The following BTBD9 variants were observed in gnomAD, a reference collection of about 807,000 sequenced individuals.
BTBD9 encodes the protein BTB/POZ domain-containing protein 9.
In BTBD9, 49 loss-of-function variants were observed where a neutral mutation model predicts 64.3. The ratio of observed to expected loss-of-function variants is 0.76; its 90% CI spans 0.61 to 0.97. The LOEUF (loss-of-function observed/expected upper bound fraction) is 0.97. Ranked by LOEUF, BTBD9 falls within the 50% of genes least tolerant of loss-of-function variation. The pLI, the probability that BTBD9 is intolerant of heterozygous loss-of-function variation, is 0.00. For synonymous variants in BTBD9, 260 were observed against 274.7 expected, an observed-to-expected ratio of 0.95 and a Z score of 0.53; for missense variants, 598 against 762.1, an observed-to-expected ratio of 0.78 and a Z score of 2.53.
At chr6:38,277,546 CTGGTCTTGAA>C (rs1761326362) in intron 8 of BTBD9, among the ~76,000 whole-genome samples, 1 of 152,100 alleles carries the variant, frequency 6.6e-6, no homozygotes, top group Non-Finnish European at 1.5e-5. Flanking sequence ...GTTGGCCAGG[CTGGTCTTGAA>C]CTCCTTACCT....
At chr6:38,291,803 T>G (rs1761971946) in intron 7 of BTBD9, among the ~76,000 whole-genome samples, 1 of 152,162 alleles carries the variant, frequency 6.6e-6, no homozygotes, top group African/African-American at 2.4e-5. Flanking sequence ...GTTTATTGAT[T>G]TGCGTATGTT....
At chr6:38,256,694 CTTT>C (rs1561934614) in intron 8 of BTBD9, among the ~76,000 whole-genome samples, 178 bp from the exon 9 acceptor site, 2 of 152,098 alleles carry the variant, frequency 1.3e-5, no homozygotes, top group African/African-American at 4.8e-5. Flanking sequence ...CAGTGAGAGG[CTTT>C]TTATCTTTAG....
At chr6:38,325,562 G>C (rs550565811) in intron 7 of BTBD9, among the ~76,000 whole-genome samples, 1 of 152,272 alleles carries the variant, frequency 6.6e-6, no homozygotes, top group East Asian at 1.9e-4. Context: ...GTGGGCGCCT[G>C]TAGTCTCAGC....
chr6:38,545,855 TACACACACACACACACACACACAC>T (rs34465570), intron 6 of BTBD9, among the ~76,000 whole-genome samples: 8 of 130,594 alleles, frequency 6.1e-5, no homozygotes, highest in East Asian at 4.8e-4. Context: ...CACACACACA[TACACACACACACACACACACACAC>T]ACACACACAC....
At chr6:38,551,828 G>A (rs1213348619) in intron 6 of BTBD9, among the ~76,000 whole-genome samples, 3 of 152,236 alleles carry the variant, frequency 2.0e-5, no homozygotes, top group African/African-American at 7.2e-5. Flanking sequence ...TTAGAAAAGT[G>A]TAAAGAGACC....
At chr6:38,190,941 T>C (rs987595583) in intron 10 of BTBD9, among the ~76,000 whole-genome samples, 3 of 152,178 alleles carry the variant, frequency 2.0e-5, no homozygotes, top group Non-Finnish European at 4.4e-5. Context: ...AGGGTTCCAT[T>C]TGGGAATTAA....
At chr6:38,271,155 C>T (rs920091079) in intron 8 of BTBD9, among the ~76,000 whole-genome samples, 11 of 152,132 alleles carry the variant, frequency 7.2e-5, no homozygotes, top group African/African-American at 2.7e-4. Flanking sequence ...ATCTCTTTTA[C>T]AAACAACATC....
intron 6 of BTBD9, among the ~76,000 whole-genome samples, chr6:38,569,538 G>A (rs150411624): frequency 8.3e-4 from 127 of 152,184 alleles, no homozygotes; most frequent in African/African-American, 3.0e-3. Flanking sequence ...ATAACAACAG[G>A]TGATTAATGT....
intron 7 of BTBD9, among the ~76,000 whole-genome samples, chr6:38,334,077 T>C (rs1763787384): frequency 6.6e-6 from 1 of 152,226 alleles, no homozygotes; most frequent in Admixed American, 6.5e-5. Context: ...ACTTTTGCTA[T>C]GCTTTAACAA....
intron 6 of BTBD9, among the ~76,000 whole-genome samples, chr6:38,508,475 C>T (rs1772636790): frequency 6.6e-6 from 1 of 152,186 alleles, no homozygotes; most frequent in Non-Finnish European, 1.5e-5. Context: ...ATTCCCCCGC[C>T]ACTGGCACTT....
intron 2 of BTBD9, among the ~76,000 whole-genome samples, chr6:38,596,983 T>C (rs1426837836): frequency 1.3e-5 from 2 of 151,682 alleles, no homozygotes; most frequent in Non-Finnish European, 2.9e-5. Flanking sequence ...AATAGGAGAG[T>C]GCTAGAACTT....
intron 9 of BTBD9, among the ~76,000 whole-genome samples, chr6:38,227,999 A>C (rs1763458865): frequency 1.3e-5 from 2 of 152,192 alleles, no homozygotes; most frequent in African/African-American, 4.8e-5. Flanking sequence ...TGGAGCACAC[A>C]CTCTGTATGA....
chr6:38,340,680 C>G (rs1273817277), intron 7 of BTBD9, among the ~76,000 whole-genome samples: 2 of 152,132 alleles, frequency 1.3e-5, no homozygotes, highest in Admixed American at 1.3e-4. Context: ...AATTGTATCT[C>G]AGGGTTACTA....
chr6:38,308,755 G>A (rs1354581191), intron 7 of BTBD9, among the ~76,000 whole-genome samples: 2 of 151,956 alleles, frequency 1.3e-5, no homozygotes, highest in African/African-American at 2.4e-5. Context: ...ACAGGTATGT[G>A]CCACCAAGCC....
rs549929750 is a variant in BTBD9 at position 38,416,527 on chromosome 6, G to A, written c.1155-71434C>T. ...TTTTTTTTTTTTTTTTTTTTTTTTA[G>A]TACAGACAGGGCTTCACTTTGTTAG... On this transcript the variant is annotated intron_variant, in intron 6 of 10. Transcript: ENST00000481247. Among the ~76,000 whole-genome samples the A allele has an allele frequency of 5.1e-3, 413 of 80,790 alleles. 2 individuals are homozygous for A. Among genetic ancestry groups the A allele is most frequent in the Non-Finnish European group, 8.5e-3 (361 of 42,362 alleles). 53.0% of individuals were successfully genotyped at this position (80,790 alleles called of 152,430 possible).
chr6:38,608,941 A>C (rs1406841), intron 1 of BTBD9, among the ~76,000 whole-genome samples: 27,955 of 152,168 alleles, frequency 0.18, 3,234 homozygotes, highest in Non-Finnish European at 0.27. Context: ...AAAAAAGAAG[A>C]AGCAGAAGAA....
intron 9 of BTBD9, among the ~76,000 whole-genome samples, chr6:38,215,875 A>G (rs969379064): frequency 6.6e-6 from 1 of 152,170 alleles, no homozygotes; most frequent in Non-Finnish European, 1.5e-5. Context: ...AACAATAACA[A>G]CAAAAAAATC....
intron 7 of BTBD9, among the ~76,000 whole-genome samples, chr6:38,316,124 A>C (rs1763019873): frequency 6.6e-6 from 1 of 150,924 alleles, no homozygotes; most frequent in Non-Finnish European, 1.5e-5. Context: ...AAGTATAGCT[A>C]CTCCTGTTCT....
At chr6:38,306,918 A>G (rs1028524121) in intron 7 of BTBD9, among the ~76,000 whole-genome samples, 3 of 152,238 alleles carry the variant, frequency 2.0e-5, no homozygotes, top group Admixed American at 2.0e-4. Context: ...TCATTACAAA[A>G]TTGTTTTCTA....
Sources: allele counts gnomAD v4.1 joint callset (sites outside exome capture counted in the v4.1 genomes callset), GRCh38; gene constraint gnomAD v4.1.1; transcripts MANE v1.5; gene names NCBI Gene and HGNC (gene_info 2026-07-23, HGNC 2026-07-21).